FBXL2: variants seen among roughly 807,000 people sequenced by gnomAD.
FBXL2 encodes F-box and leucine rich repeat protein 2, also known as F-box/LRR-repeat protein 2.
FBXL2 carries 38 observed loss-of-function variants against 69.2 expected under a neutral mutation model. That is an observed-to-expected ratio of 0.55 (90% CI 0.42 to 0.72). The LOEUF is 0.72. Ranked by LOEUF, FBXL2 falls within the 30% of genes least tolerant of loss-of-function variation. The pLI is 0.00. For missense variants in FBXL2, 354 were observed against 520.3 expected (o/e 0.68, Z 3.11); for synonymous variants, 192 against 201.3 (o/e 0.95, Z 0.39).
At chr3:33,324,944 G>T (rs2038566797) in intron 2 of FBXL2, among the ~76,000 whole-genome samples, 1 of 152,174 alleles carries the variant, frequency 6.6e-6, no homozygotes, top group South Asian at 2.1e-4. Context: ...AGCATGGAAT[G>T]TTTTTTCATT....
Position 33,387,668 on chromosome 3 carries a change from G to T in FBXL2, c.*2060G>T, listed in dbSNP as rs1426146076. ...CCACCAGAGCCTTCTATACATGATT[G>T]ATTTCTTTTGAGCCAGGATACAACC... On this transcript the variant is annotated 3_prime_UTR_variant, in exon 15 of 15. Transcript: ENST00000484457. 1 of 152,164 alleles carries T rather than the reference G, an allele frequency of 6.6e-6. No homozygotes were observed. Among genetic ancestry groups the T allele is most frequent in the Non-Finnish European group, 1.5e-5 (1 of 68,082 alleles). The allele number at this position is 152,164 out of a possible 1,614,324, so 9.4% of individuals were successfully genotyped here.
At chr3:33,375,538 T>G in intron 10 of FBXL2, 120 bp downstream of exon 10, 3 of 1,104,526 alleles carry the variant, frequency 2.7e-6, no homozygotes, top group Non-Finnish European at 3.9e-6. Context: ...GTTATGTTGT[T>G]GTTGGCTTTT....
chr3:33,281,640 A>G (rs571932468), intron 1 of FBXL2, among the ~76,000 whole-genome samples: 190 of 152,270 alleles, frequency 1.2e-3, no homozygotes, highest in African/African-American at 4.3e-3. Flanking sequence ...ACAATGGTTG[A>G]ACTAGTTTAC....
the FBXL2 span, among the ~76,000 whole-genome samples, chr3:33,409,078 C>G: frequency 6.6e-6 from 1 of 152,102 alleles, no homozygotes; most frequent in Admixed American, 6.5e-5. Flanking sequence ...CTATCAAAAT[C>G]CCCAAATTTA....
At chr3:33,417,414 A>C in the FBXL2 span, among the ~76,000 whole-genome samples, 1 of 151,218 alleles carries the variant, frequency 6.6e-6, no homozygotes, top group Admixed American at 6.6e-5. Context: ...CTTGCTTTTT[A>C]AACTTAGCAT....
intron 2 of FBXL2, among the ~76,000 whole-genome samples, chr3:33,315,006 A>G (rs1018788743): frequency 1.3e-5 from 2 of 152,174 alleles, no homozygotes; most frequent in Non-Finnish European, 2.9e-5. Context: ...CTTGCACTGC[A>G]AACAATTGCT....
chr3:33,343,533 T>C (rs1206601945), intron 2 of FBXL2, among the ~76,000 whole-genome samples: 1 of 152,060 alleles, frequency 6.6e-6, no homozygotes, highest in East Asian at 1.9e-4. Flanking sequence ...AATGAAGCAA[T>C]AAAAATATTT....
At chr3:33,282,838 GCT>G (rs1427900160) in intron 1 of FBXL2, among the ~76,000 whole-genome samples, 3 of 152,024 alleles carry the variant, frequency 2.0e-5, no homozygotes, top group African/African-American at 4.8e-5. Context: ...TCATGATTTG[GCT>G]CTCTGTTTGT....
At chr3:33,413,597 A>G in the FBXL2 span, among the ~76,000 whole-genome samples, 3 of 151,774 alleles carry the variant, frequency 2.0e-5, no homozygotes, top group African/African-American at 7.3e-5. Flanking sequence ...AACTGGCATA[A>G]AACAAAAATC....
At chr3:33,395,048 G>A (rs545942581) in intron 12 of FBXL2, among the ~76,000 whole-genome samples, 5 of 152,238 alleles carry the variant, frequency 3.3e-5, no homozygotes, top group Non-Finnish European at 7.4e-5. Flanking sequence ...ACTCATGTTT[G>A]AGAATACACC....
intron 5 of FBXL2, among the ~76,000 whole-genome samples, chr3:33,371,500 T>A (rs932897820): frequency 2.6e-5 from 4 of 152,036 alleles, no homozygotes; most frequent in Non-Finnish European, 5.9e-5. Context: ...TTAACTTGGA[T>A]CTCTTATTTT....
chr3:33,296,893 A>G (rs538604123), intron 1 of FBXL2, among the ~76,000 whole-genome samples: 5 of 152,218 alleles, frequency 3.3e-5, no homozygotes, highest in African/African-American at 1.2e-4. Context: ...GCATTTTCAT[A>G]TGAATTTTTT....
downstream of FBXL2, among the ~76,000 whole-genome samples, chr3:33,407,849 C>G (rs950329819): frequency 1.7e-4 from 26 of 152,196 alleles, no homozygotes; most frequent in Admixed American, 1.6e-3. Context: ...TTAAATGATT[C>G]TTTAATGTTC....
chr3:33,409,386 GAC>G, the FBXL2 span: 1 of 1,613,886 alleles, frequency 6.2e-7, no homozygotes, highest in African/African-American at 1.3e-5. Flanking sequence ...TCAGGCTGCA[GAC>G]ACACAGCTTT....
intron 2 of FBXL2, among the ~76,000 whole-genome samples, chr3:33,319,361 T>C (rs1559534871): frequency 6.6e-6 from 1 of 152,162 alleles, no homozygotes; most frequent in Non-Finnish European, 1.5e-5. Flanking sequence ...AATTAAAAAA[T>C]AAAGTAATTC....
intron 12 of FBXL2, among the ~76,000 whole-genome samples, 193 bp from the exon 13 acceptor site, chr3:33,378,491 CA>C (rs1489455241): frequency 1.3e-5 from 2 of 152,142 alleles, no homozygotes; most frequent in Non-Finnish European, 2.9e-5. Context: ...AGAAGAGAGA[CA>C]AAGAACAGTT....
At chr3:33,334,234 C>T (rs1476958436) in intron 2 of FBXL2, among the ~76,000 whole-genome samples, 2 of 151,956 alleles carry the variant, frequency 1.3e-5, no homozygotes, top group Non-Finnish European at 2.9e-5. Context: ...TTTTGGTGAC[C>T]CAGTTTTGGA....
intron 12 of FBXL2, among the ~76,000 whole-genome samples, chr3:33,398,733 T>A (rs934718594): frequency 3.4e-4 from 51 of 152,206 alleles, no homozygotes; most frequent in African/African-American, 1.1e-3. Context: ...ACTCACCAGA[T>A]AGAAACATGG....
At chr3:33,307,693 T>G (rs574354467) in intron 2 of FBXL2, among the ~76,000 whole-genome samples, 37 of 151,896 alleles carry the variant, frequency 2.4e-4, no homozygotes, top group East Asian at 9.6e-4. Context: ...AAATGAGAGA[T>G]ATATATATAA....
Sources: allele counts gnomAD v4.1 joint callset (sites outside exome capture counted in the v4.1 genomes callset), GRCh38; gene constraint gnomAD v4.1.1; transcripts MANE v1.5; gene names NCBI Gene and HGNC (gene_info 2026-07-23, HGNC 2026-07-21).